The following GPC5 variants were observed in gnomAD, a reference collection of about 807,000 sequenced individuals.
GPC5 encodes glypican-5.
GPC5 carries 47 observed loss-of-function variants against 53.9 expected under a neutral mutation model. The ratio of observed to expected loss-of-function variants is 0.87; its 90% CI spans 0.69 to 1.11. GPC5 has a LOEUF of 1.11. GPC5 is among the 50% of genes most tolerant of loss of function. GPC5 has a pLI of 0.00. For missense variants in GPC5, 748 were observed against 713.1 expected (o/e 1.05, Z -0.56); for synonymous variants, 286 against 263.3 (o/e 1.09, Z -0.84).
intron 2 of GPC5, among the ~76,000 whole-genome samples, chr13:91,570,012 T>A (rs2031712024): frequency 6.6e-6 from 1 of 152,210 alleles, no homozygotes; most frequent in African/African-American, 2.4e-5. Context: ...ACAATTTAAG[T>A]GAAGGTTTGT....
chr13:91,415,538 T>C (rs1878149304), intron 1 of GPC5, among the ~76,000 whole-genome samples: 1 of 152,142 alleles, frequency 6.6e-6, no homozygotes, highest in Non-Finnish European at 1.5e-5. Flanking sequence ...GAGCCACACC[T>C]TTTTATACGT....
At chr13:91,697,902 T>C (rs1384067647) in intron 3 of GPC5, among the ~76,000 whole-genome samples, 3 of 139,030 alleles carry the variant, frequency 2.2e-5, no homozygotes, top group East Asian at 2.2e-4. Context: ...AAAGATGTTT[T>C]CTTTTTTTTT....
intron 7 of GPC5, among the ~76,000 whole-genome samples, chr13:92,315,897 C>G (rs1181101117): frequency 6.6e-6 from 1 of 152,140 alleles, no homozygotes; most frequent in African/African-American, 2.4e-5. Context: ...TTGAAAAAGA[C>G]TTGGTTGGCC....
chr13:92,424,125 A>G (rs1876714906), intron 7 of GPC5, among the ~76,000 whole-genome samples: 1 of 152,148 alleles, frequency 6.6e-6, no homozygotes, highest in Non-Finnish European at 1.5e-5. Flanking sequence ...CCTAGAAATG[A>G]TCATGCCTTT....
intron 3 of GPC5, among the ~76,000 whole-genome samples, chr13:91,717,864 A>G (rs1177352635): frequency 6.6e-6 from 1 of 151,518 alleles, no homozygotes; most frequent in Admixed American, 6.6e-5. Flanking sequence ...CTGCTTGCAC[A>G]TTTTAAACCC....
At chr13:91,824,549 T>G (rs757562847) in intron 5 of GPC5, among the ~76,000 whole-genome samples, 1 of 152,112 alleles carries the variant, frequency 6.6e-6, no homozygotes, top group Admixed American at 6.6e-5. Flanking sequence ...TAAGTTACTT[T>G]AAGTTTTTCA....
intron 7 of GPC5, among the ~76,000 whole-genome samples, chr13:92,637,202 A>G (rs1489136663): frequency 1.3e-5 from 2 of 152,324 alleles, no homozygotes; most frequent in South Asian, 2.1e-4. Context: ...AAATCTGATC[A>G]TTAAATTTAG....
chr13:92,068,194 T>C (rs1350972821), intron 6 of GPC5, among the ~76,000 whole-genome samples: 1 of 151,898 alleles, frequency 6.6e-6, no homozygotes, highest in African/African-American at 2.4e-5. Flanking sequence ...TTTAAAACTG[T>C]TTAACTGACT....
At chr13:92,023,791 G>T (rs1401084710) in intron 6 of GPC5, among the ~76,000 whole-genome samples, 2 of 151,690 alleles carry the variant, frequency 1.3e-5, no homozygotes, top group African/African-American at 4.8e-5. Context: ...AACCATTTTA[G>T]TCAGTCTTGG....
intron 7 of GPC5, among the ~76,000 whole-genome samples, chr13:92,443,081 C>G (rs996659011): frequency 6.6e-6 from 1 of 152,148 alleles, no homozygotes; most frequent in African/African-American, 2.4e-5. Flanking sequence ...GCATCTGCTT[C>G]TGGTGAGGCC....
Position 92,000,110 on chromosome 13 carries a change from A to C in GPC5, c.1401+92053A>C, listed in dbSNP as rs17299459. Among the ~76,000 whole-genome samples, 1,259 of 152,312 alleles carry C rather than the reference A, an allele frequency of 8.3e-3. 38 individuals carry two copies. Among genetic ancestry groups the C allele is most frequent in the Admixed American group, 0.054 (822 of 15,296 alleles). On this transcript the variant is annotated intron_variant, in intron 6 of 7. Coordinates refer to ENST00000377067, the MANE Select transcript of GPC5 (RefSeq NM_004466.6). ...TAAAAATTGTAAAGGTAATAATAAC[A>C]ACAATCTGTTTTAATCTGGGAGATA...
chr13:92,322,204 G>A (rs568658317), intron 7 of GPC5, among the ~76,000 whole-genome samples: 5 of 152,066 alleles, frequency 3.3e-5, no homozygotes, highest in Admixed American at 2.6e-4. Flanking sequence ...CATATAGTAA[G>A]TGCAGAGCTT....
At chr13:92,450,621 C>T (rs1473078223) in intron 7 of GPC5, among the ~76,000 whole-genome samples, 2 of 152,168 alleles carry the variant, frequency 1.3e-5, no homozygotes, top group African/African-American at 2.4e-5. Context: ...TGCTTAGAAG[C>T]TGCAGGCTGG....
chr13:91,710,800 C>CT (rs1260920297), intron 3 of GPC5, among the ~76,000 whole-genome samples: 2 of 152,132 alleles, frequency 1.3e-5, no homozygotes, highest in South Asian at 2.1e-4. Flanking sequence ...TTTAAAACTG[C>CT]TTTTTTTGTA....
intron 7 of GPC5, among the ~76,000 whole-genome samples, chr13:92,649,653 T>G (rs2139163743): frequency 6.6e-6 from 1 of 152,202 alleles, no homozygotes; most frequent in Admixed American, 6.6e-5. Context: ...CAGTCCCTGA[T>G]ATGAATCAAG....
At chr13:92,572,431 G>T (rs1237743764) in intron 7 of GPC5, among the ~76,000 whole-genome samples, 1 of 152,094 alleles carries the variant, frequency 6.6e-6, no homozygotes, top group Admixed American at 6.6e-5. Flanking sequence ...ATTCTTTGTT[G>T]TGTTCTTTGT....
chr13:91,413,982 A>G (rs957035836), intron 1 of GPC5, among the ~76,000 whole-genome samples: 16 of 152,172 alleles, frequency 1.1e-4, no homozygotes, highest in African/African-American at 3.9e-4. Flanking sequence ...AAGAAACATC[A>G]TTTCTCTCTT....
intron 7 of GPC5, among the ~76,000 whole-genome samples, chr13:92,607,835 A>T (rs543091376): frequency 9.2e-5 from 14 of 152,274 alleles, no homozygotes; most frequent in African/African-American, 2.4e-4. Context: ...CTTGAACAAC[A>T]TGGGTTTGAA....
At chr13:91,473,107 G>T (rs1432156656) in intron 2 of GPC5, among the ~76,000 whole-genome samples, 1 of 152,164 alleles carries the variant, frequency 6.6e-6, no homozygotes, top group Non-Finnish European at 1.5e-5. Context: ...GTGAGCATGT[G>T]AAGGAGGAAC....
Sources: gnomAD v4.1 joint callset for allele counts (sites outside exome capture counted in the v4.1 genomes callset) on GRCh38, gnomAD v4.1.1 for gene constraint, MANE v1.5 for transcripts, NCBI Gene and HGNC (gene_info 2026-07-23, HGNC 2026-07-21) for gene names.